Variants in RNF25 observed in about 807,000 individuals in gnomAD.
The protein encoded by RNF25 is E3 ubiquitin-protein ligase RNF25.
A neutral mutation model predicts 65.0 loss-of-function variants in RNF25; 32 were observed. The ratio of observed to expected loss-of-function variants is 0.49; its 90% confidence interval spans 0.37 to 0.66. The LOEUF (loss-of-function observed/expected upper bound fraction) is 0.66. Among genes scored for constraint, RNF25 ranks in the 30% least tolerant of loss-of-function variants. The pLI, the probability that RNF25 is intolerant of heterozygous loss-of-function variation, is 0.00. For missense variants in RNF25, 493 were observed against 584.8 expected, an observed-to-expected ratio of 0.84 and a Z score of 1.62; for synonymous variants, 207 against 221.2, an observed-to-expected ratio of 0.94 and a Z score of 0.57.
chr2:218,671,880 C>CT lies in RNF25; in HGVS notation c.41+49dup, dbSNP rs754440821. On this transcript the variant is annotated intron_variant, in intron 1 of 9. Transcript: ENST00000295704. ...GGACCGTCTGCGACAGCTGCTAGGC[C>CT]TCTGGACTAGATCCAGGCTGTCAGC... 8 of 1,609,860 alleles carry CT rather than the reference C, an allele frequency of 5.0e-6. No individual in the cohort carries two copies. The Admixed American group carries it at 1.3e-4, about 27-fold the overall frequency.
At position 218,671,868 on chromosome 2, in the gene RNF25, C is replaced by G. The variant is rs1024812904; in HGVS notation, c.41+62G>C. 62 of 1,592,158 alleles carry G rather than the reference C, an allele frequency of 3.9e-5. No individual in the cohort carries two copies. In the Middle Eastern group the frequency reaches 6.7e-4, roughly 17 times the overall value. On this transcript the variant is annotated intron_variant, in intron 1 of 9. Transcript: ENST00000295704. ...CGCCCGCCGTACGGACCGTCTGCGA[C>G]AGCTGCTAGGCCTCTGGACTAGATC...
At chr2:218,669,824 AGT>A (rs1177168960) in intron 1 of RNF25, among the ~76,000 whole-genome samples, 1 of 152,202 alleles carries the variant, frequency 6.6e-6, no homozygotes, top group Non-Finnish European at 1.5e-5. Flanking sequence ...CACAGATAAC[AGT>A]GTAGTTCTGG....
Position 218,664,539 on chromosome 2 carries a change from G to C in RNF25, c.802-4C>G. ...CAGGTTCCGCAGGGGCAGGAGGCTA[G>C]AAATAAGTGACAAGATGCAGTGAGG... On this transcript the variant is annotated splice_polypyrimidine_tract_variant and splice_region_variant and intron_variant, in intron 9 of 9. Coordinates refer to ENST00000295704, the MANE Select transcript of RNF25 (RefSeq NM_022453.3). This position sits in a 1 kb window ranked among gnomAD's most constrained non-coding sequence, Gnocchi z 5.1. 6.2e-7 allele frequency: 1 copy of C among 1,610,176 alleles called. No homozygotes were observed. The highest frequency in any genetic ancestry group is 2.2e-5 in the East Asian group (1 of 44,806).
chr2:218,667,874 G>C lies in RNF25; in HGVS notation c.357+38C>G. ...TTACAGCTAGAAACTGCTCTAGCTT[G>C]AAGGAAAGAACATATCTCAGACTAG... is the stretch of plus-strand genomic sequence containing the variant. On this transcript the variant is annotated intron_variant, in intron 5 of 9. Transcript: ENST00000295704. 6 of 1,589,930 alleles carry C rather than the reference G, an allele frequency of 3.8e-6. No individual in the cohort carries two copies. The Middle Eastern group carries it at 5.0e-4, about 133-fold the overall frequency.
At chr2:218,668,701 A>G in intron 1 of RNF25, 22 bp from the exon 2 acceptor site, 1 of 1,533,646 alleles carries the variant, frequency 6.5e-7, no homozygotes, top group South Asian at 1.1e-5. Context: ...GGAGTAGACT[A>G]ACTTACCATT....
intron 5 of RNF25, among the ~76,000 whole-genome samples, chr2:218,666,562 C>G (rs946763980): frequency 1.3e-5 from 2 of 152,200 alleles, no homozygotes; most frequent in African/African-American, 4.8e-5. Context: ...TTCTGGGAGG[C>G]CTTTCTTGAT....
rs533604489 is a variant in RNF25, at chr2:218,665,929, G to A, written c.560C>T (p.Ala187Val). 1.1e-5 allele frequency: 17 copies of A among 1,613,792 alleles called. No individual in the cohort carries two copies. Among genetic ancestry groups the A allele is most frequent in the Admixed American group, 6.7e-5 (4 of 60,000 alleles). Residue 187 changes from alanine to valine, a missense_variant, in exon 7 of 10, where the codon GCT (alanine) becomes GTT (valine). Ala to Val is a moderately conservative substitution (Grantham distance 64, BLOSUM62 0). Transcript: ENST00000295704. ...AGTGAGGTCTACCTGTTTGGTTGTA[G>A]CATGCTGCCGTTCCTGTTCCTGCTC... ...GQEQEQERQH[A>V]TTKQKAVGVQ...
intron 5 of RNF25, among the ~76,000 whole-genome samples, chr2:218,667,417 C>G (rs1939845339): frequency 6.7e-6 from 1 of 148,648 alleles, no homozygotes; most frequent in African/African-American, 2.5e-5. Flanking sequence ...AGTGCATGAT[C>G]TTGGCTCCCT....
At chr2:218,668,392 G>A (rs1559323205) in intron 2 of RNF25, 51 bp from the exon 3 acceptor site, 1 of 1,278,968 alleles carries the variant, frequency 7.8e-7, no homozygotes. Flanking sequence ...GGGGCTTGGG[G>A]GCTGGGGAGG....
Position 218,666,186 on chromosome 2 carries a change from C to G in RNF25, c.402G>C (p.Gln134His), listed in dbSNP as rs1939823230. ...GGAAACCATAGAGGCAGATGACACACTGGCCATGAGGGATGTTGTTATCTG... is the reference window on the plus strand; with the variant it reads ...GGAAACCATAGAGGCAGATGACACAGTGGCCATGAGGGATGTTGTTATCTG... ...ILTDNNIPHG[Q>H]CVICLYGFQE... Residue 134 changes from glutamine to histidine, a missense_variant, in exon 6 of 10, where the codon CAG becomes CAC. Gln to His is a conservative substitution (Grantham distance 24). Transcript: ENST00000295704. 4.3e-6 allele frequency: 7 copies of G among 1,614,130 alleles called. No individual in the cohort carries two copies. The highest frequency in any genetic ancestry group is 5.9e-6 in the Non-Finnish European group (7 of 1,179,996).
Position 218,664,093 on chromosome 2 carries a change from C to CGAGT in RNF25, c.1240_1243dup (p.Arg415HisfsTer11). ...AGAGCGCTCCCAGCGAACACAGTCC[C>CGAGT]GAGTCCTGCGGGGTGGGGGCCCCTG... On this transcript the variant is annotated frameshift_variant, in exon 10 of 10. Coordinates refer to ENST00000295704, the MANE Select transcript of RNF25 (RefSeq NM_022453.3). LOFTEE classifies it high-confidence loss of function. The surrounding 1 kb of genome is among the most constrained non-coding windows in gnomAD (Gnocchi z 5.1). 1 of 1,522,678 alleles carries CGAGT rather than the reference C, an allele frequency of 6.6e-7. No homozygotes were observed. 94.3% of individuals were successfully genotyped at this position (1,522,678 alleles called of 1,614,324 possible). A position where few individuals can be genotyped will look rare whatever the true frequency, so the allele number is the denominator to read the frequency against.
Position 218,663,905 on chromosome 2 carries a change from C to T in RNF25, c.*52G>A, listed in dbSNP as rs1399023651. 1 of 1,368,816 alleles carries T rather than the reference C, an allele frequency of 7.3e-7. No individual in the cohort carries two copies. Among genetic ancestry groups the T allele is most frequent in the Non-Finnish European group, 9.6e-7 (1 of 1,038,146 alleles). The allele number at this position is 1,368,816 out of a possible 1,614,324, so 84.8% of individuals were successfully genotyped here. A position where few individuals can be genotyped will look rare whatever the true frequency, so the allele number is the denominator to read the frequency against. On this transcript the variant is annotated 3_prime_UTR_variant, in exon 10 of 10. Transcript: ENST00000295704. Reference sequence around the variant, plus strand: ...AAGAAAGCCAAAGAAGGCCAAATATCTTTATTGCCTCCCTCCCATCCCCAA... The same window carrying T: ...AAGAAAGCCAAAGAAGGCCAAATATTTTTATTGCCTCCCTCCCATCCCCAA...
chr2:218,665,337 G>GGA, intron 7 of RNF25, 90 bp from the exon 8 acceptor site: 1 of 1,107,844 alleles, frequency 9.0e-7, no homozygotes, highest in Non-Finnish European at 1.3e-6. Flanking sequence ...CAGAGGGCTG[G>GGA]GACTAAAGGG....
chr2:218,663,940 C>A lies in RNF25; in HGVS notation c.*17G>T, dbSNP rs532637775. The A allele has an allele frequency of 1.4e-6, 2 of 1,423,452 alleles. No individual in the cohort carries two copies. Among genetic ancestry groups the A allele is most frequent in the East Asian group, 4.9e-5 (2 of 41,026 alleles). The allele number at this position is 1,423,452 out of a possible 1,614,324, so 88.2% of individuals were successfully genotyped here. On this transcript the variant is annotated 3_prime_UTR_variant, in exon 10 of 10. Coordinates refer to ENST00000295704, the MANE Select transcript of RNF25 (RefSeq NM_022453.3). The stretch of plus-strand genomic sequence containing the variant: ...TCCCTCCCATCCCCAATTCCCTGTT[C>A]CCCCCACCAAGTCCTGCTAGGAACC...
chr2:218,671,178 C>CAAAA (rs1939957983), intron 1 of RNF25, among the ~76,000 whole-genome samples: 1 of 151,922 alleles, frequency 6.6e-6, no homozygotes, highest in African/African-American at 2.4e-5. Context: ...TCTCAAAAAA[C>CAAAA]AAAACAAAAC....
At chr2:218,666,670 G>T (rs1038319962) in intron 5 of RNF25, among the ~76,000 whole-genome samples, 1 of 152,206 alleles carries the variant, frequency 6.6e-6, no homozygotes, top group African/African-American at 2.4e-5. Flanking sequence ...AATGGACAGA[G>T]AATTCACAAG....
chr2:218,666,285 G>T, intron 5 of RNF25, 55 bp from the exon 6 acceptor site: 1 of 1,409,680 alleles, frequency 7.1e-7, no homozygotes, highest in Non-Finnish European at 1.0e-6. Flanking sequence ...GGTGAGCAAG[G>T]CCTGTCTACT....
chr2:218,671,839 C>T (rs1939986077), intron 1 of RNF25, 91 bp downstream of exon 1: 1 of 1,440,478 alleles, frequency 6.9e-7, no homozygotes, highest in Non-Finnish European at 9.7e-7. Context: ...CGCTCCACCC[C>T]ACACGCCCGC....
Position 218,668,695 on chromosome 2 carries a change from T to G in RNF25, c.42-16A>C, listed in dbSNP as rs1407988628. 1 of 1,555,684 alleles carries G rather than the reference T, an allele frequency of 6.4e-7. No homozygotes were observed. Among genetic ancestry groups the G allele is most frequent in the African/African-American group, 1.4e-5 (1 of 72,778 alleles). On this transcript the variant is annotated splice_polypyrimidine_tract_variant and intron_variant, in intron 1 of 9. Coordinates refer to ENST00000295704, the MANE Select transcript of RNF25 (RefSeq NM_022453.3). The stretch of plus-strand genomic sequence containing the variant: ...GGGAAGGACCCTAGAGAGACAGGAG[T>G]AGACTAACTTACCATTACAGCTCTC...
Sources: allele counts gnomAD v4.1 joint callset (sites outside exome capture counted in the v4.1 genomes callset), GRCh38; gene constraint gnomAD v4.1.1; non-coding constraint Gnocchi (gnomAD v3.1); transcripts MANE v1.5; gene names NCBI Gene and HGNC (gene_info 2026-07-23, HGNC 2026-07-21).